Variants in POLR3C observed in about 807,000 individuals in gnomAD.
The protein encoded by POLR3C is RNA polymerase III subunit C, also known as DNA-directed RNA polymerase III subunit RPC3.
In POLR3C, 44 loss-of-function variants were observed where a neutral mutation model predicts 65.9. The ratio of observed to expected loss-of-function variants is 0.67; its 90% CI spans 0.52 to 0.86. The LOEUF is 0.86. Among genes scored for constraint, POLR3C ranks in the 40% least tolerant of loss-of-function variants. The pLI is 0.00. For missense variants in POLR3C, 576 were observed against 653.2 expected (o/e 0.88, Z 1.29); for synonymous variants, 263 against 231.6 (o/e 1.14, Z -1.23).
intron 2 of POLR3C, 52 bp from the exon 3 acceptor site, chr1:145,826,402 G>T: frequency 1.3e-6 from 2 of 1,574,568 alleles, no homozygotes; most frequent in South Asian, 1.1e-5. Flanking sequence ...CAGCAGTAAT[G>T]AGCTATATCT....
intron 7 of POLR3C, among the ~76,000 whole-genome samples, chr1:145,834,397 T>TGGCTCACGCCTGTA (rs1327487157): frequency 6.6e-6 from 1 of 151,918 alleles, no homozygotes; most frequent in Non-Finnish European, 1.5e-5. Flanking sequence ...CTGAGCGGGG[T>TGGCTCACGCCTGTA]GGCTCACGCC....
chr1:145,838,820 A>G (rs1652067469), intron 11 of POLR3C, among the ~76,000 whole-genome samples: 1 of 152,234 alleles, frequency 6.6e-6, no homozygotes, highest in African/African-American at 2.4e-5. Context: ...ATTTATCAAC[A>G]CATCTAACTG....
chr1:145,825,152 G>A (rs1650612277), intron 1 of POLR3C, among the ~76,000 whole-genome samples: 1 of 151,376 alleles, frequency 6.6e-6, no homozygotes, highest in South Asian at 2.1e-4. Flanking sequence ...ACTGTCGCCC[G>A]GGTTGGAGTG....
rs1553730829 is a variant in POLR3C, at chr1:145,842,450, TG to T, written c.*36del. The T allele has an allele frequency of 2.1e-6, 3 of 1,443,722 alleles. No homozygotes were observed. Among genetic ancestry groups the T allele is most frequent in the Non-Finnish European group, 1.9e-6 (2 of 1,025,876 alleles). The allele number at this position is 1,443,722 out of a possible 1,614,324, so 89.4% of individuals were successfully genotyped here. A position where few individuals can be genotyped will look rare whatever the true frequency, so the allele number is the denominator to read the frequency against. ...GAAGAAGCATCTTCCTCAGAAGATC[TG>T]GGGGGATGGAAAGCAAAATAAAGGA... is the stretch of plus-strand genomic sequence containing the variant. On this transcript the variant is annotated 3_prime_UTR_variant, in exon 15 of 15. Transcript: ENST00000334163.
At position 145,836,816 on chromosome 1, in the gene POLR3C, TAG is replaced by T. The variant is rs1390671622; in HGVS notation, c.962_963del (p.Glu321ValfsTer19). The T allele has an allele frequency of 1.3e-6, 2 of 1,576,786 alleles. No individual in the cohort carries two copies. The highest frequency in any genetic ancestry group is 2.7e-5 in the African/African-American group (2 of 73,982). The stretch of plus-strand genomic sequence containing the variant: ...AACACTCTCTCTTTTTCTTAATAGC[TAG>T]AGTTTGTTGGAAAGTCTGGCGACAG... On this transcript the variant is annotated frameshift_variant and splice_region_variant, in exon 9 of 15. Transcript: ENST00000334163. LOFTEE classifies it high-confidence loss of function.
chr1:145,835,793 C>T (rs587741593), intron 7 of POLR3C, among the ~76,000 whole-genome samples: 7 of 152,182 alleles, frequency 4.6e-5, no homozygotes, highest in Non-Finnish European at 7.4e-5. Context: ...AGGCTGGTCT[C>T]GAACTCCTGA....
intron 14 of POLR3C, 125 bp from the exon 15 acceptor site, chr1:145,842,211 CCTG>C: frequency 1.6e-6 from 1 of 623,874 alleles, no homozygotes; most frequent in Non-Finnish European, 2.8e-6. Context: ...TACTGGTTCT[CCTG>C]CTTTCTTTCC....
intron 8 of POLR3C, 37 bp downstream of exon 8, chr1:145,836,611 C>G (rs1553728748): frequency 7.9e-7 from 1 of 1,271,662 alleles, no homozygotes; most frequent in East Asian, 2.3e-5. Context: ...TTTTCTTTAG[C>G]CTGTACTGTT....
In POLR3C at chr1:145,836,485, G is replaced by C. The variant is rs1553728669; in HGVS notation, c.877-9G>C. On this transcript the variant is annotated splice_polypyrimidine_tract_variant and intron_variant, in intron 7 of 14. Coordinates refer to ENST00000334163, the MANE Select transcript of POLR3C (RefSeq NM_006468.8). ...CCCAAACCCATTTTAAGTGTCCTTT[G>C]CTCCATAGATCTTCAGATCCCTACC... 8.4e-6 allele frequency: 13 copies of C among 1,540,328 alleles called. No individual in the cohort carries two copies. The highest frequency in any genetic ancestry group is 1.2e-5 in the Non-Finnish European group (13 of 1,113,644).
intron 5 of POLR3C, among the ~76,000 whole-genome samples, chr1:145,829,984 T>C (rs1054295833): frequency 4.6e-5 from 7 of 152,242 alleles, no homozygotes; most frequent in African/African-American, 1.7e-4. Flanking sequence ...GTTTGGGCTT[T>C]ATCCTGAAGG....
intron 7 of POLR3C, 113 bp downstream of exon 7, chr1:145,833,695 A>G (rs1250662782): frequency 5.5e-5 from 40 of 727,186 alleles, no homozygotes; most frequent in Non-Finnish European, 9.5e-5. Context: ...AGAGAAGGGC[A>G]TTTGATGTGG....
intron 5 of POLR3C, 38 bp from the exon 6 acceptor site, chr1:145,833,222 A>G: frequency 7.9e-7 from 1 of 1,259,488 alleles, no homozygotes. Context: ...AGAAAACTTT[A>G]CACTATAGCT....
rs781887372 is a variant in POLR3C at position 145,833,290 on chromosome 1, GC to G, written c.711del (p.Asn238ThrfsTer15). On this transcript the variant is annotated frameshift_variant, in exon 6 of 15. Coordinates refer to ENST00000334163, the MANE Select transcript of POLR3C (RefSeq NM_006468.8). LOFTEE classifies it high-confidence loss of function. ...PIPDDGIYWQ[A>X]NLDRFHQHFR... ...TCCAGATGATGGGATTTATTGGCAGGCCAACCTTGACAGATTCCACCAACAC... is the reference window on the plus strand; with the variant it reads ...TCCAGATGATGGGATTTATTGGCAGGCAACCTTGACAGATTCCACCAACAC... 30 of 1,612,764 alleles carry G rather than the reference GC, an allele frequency of 1.9e-5. No homozygotes were observed. Among genetic ancestry groups the G allele is most frequent in the Admixed American group, 3.3e-5 (2 of 59,910 alleles).
intron 14 of POLR3C, 136 bp downstream of exon 14, chr1:145,841,207 C>T: frequency 2.8e-6 from 2 of 722,552 alleles, no homozygotes; most frequent in African/African-American, 1.8e-5. Context: ...AGAATTTAAT[C>T]CACCTATTTT....
chr1:145,831,223 A>G (rs1305694660), intron 5 of POLR3C, among the ~76,000 whole-genome samples: 1 of 152,178 alleles, frequency 6.6e-6, no homozygotes, highest in Non-Finnish European at 1.5e-5. Flanking sequence ...AGCATAATAG[A>G]GAGTTCCAGG....
At chr1:145,827,758 C>CAAAA (rs1163679762) in intron 4 of POLR3C, among the ~76,000 whole-genome samples, 1 of 58,556 alleles carries the variant, frequency 1.7e-5, no homozygotes. Context: ...GACTCCGTCT[C>CAAAA]AAAAAAAAAA....
chr1:145,837,731 T>G (rs1178851546), intron 10 of POLR3C, 135 bp downstream of exon 10: 1 of 744,118 alleles, frequency 1.3e-6, no homozygotes, highest in Non-Finnish European at 2.4e-6. Flanking sequence ...CTCCTATGGA[T>G]CTCATGTAAT....
chr1:145,838,215 C>G lies in POLR3C; in HGVS notation c.1221+9C>G. On this transcript the variant is annotated intron_variant, in intron 11 of 14. Transcript: ENST00000334163. ...ATTTCATGTCACTCCAGGTAACCAACCAAGGGCGTAATAATTGCCAACCAG... is the reference window on the plus strand; with the variant it reads ...ATTTCATGTCACTCCAGGTAACCAAGCAAGGGCGTAATAATTGCCAACCAG... 1 of 1,610,872 alleles carries G rather than the reference C, an allele frequency of 6.2e-7. No homozygotes were observed. The highest frequency in any genetic ancestry group is 8.5e-7 in the Non-Finnish European group (1 of 1,177,302).
chr1:145,835,813 A>C (rs1334748930), intron 7 of POLR3C, among the ~76,000 whole-genome samples: 1 of 152,046 alleles, frequency 6.6e-6, no homozygotes, highest in Non-Finnish European at 1.5e-5. Flanking sequence ...ACATCAAGTG[A>C]TCCTCCCACC....
Sources: gnomAD v4.1 joint callset for allele counts (sites outside exome capture counted in the v4.1 genomes callset) on GRCh38, gnomAD v4.1.1 for gene constraint, MANE v1.5 for transcripts, NCBI Gene and HGNC (gene_info 2026-07-23, HGNC 2026-07-21) for gene names.